Variants in IGFL4 observed in about 807,000 individuals in gnomAD.
The protein encoded by IGFL4 is insulin growth factor-like family member 4.
A neutral mutation model predicts 15.4 loss-of-function variants in IGFL4; 12 were observed. The ratio of observed to expected loss-of-function variants is 0.78; its 90% CI spans 0.50 to 1.26. IGFL4 has a LOEUF of 1.26. Among genes scored for constraint, IGFL4 ranks in the 50% most tolerant of loss-of-function variants. IGFL4 has a pLI of 0.00. For missense variants in IGFL4, 126 were observed against 147.8 expected (o/e 0.85, Z 0.76); for synonymous variants, 54 against 55.9 (o/e 0.97, Z 0.16).
intron 1 of IGFL4, among the ~76,000 whole-genome samples, chr19:46,061,021 T>A (rs1479652781): frequency 1.3e-5 from 2 of 152,236 alleles, no homozygotes; most frequent in Non-Finnish European, 2.9e-5. Flanking sequence ...TTTGTACTTT[T>A]ATTCCAATGT....
intron 1 of IGFL4, among the ~76,000 whole-genome samples, chr19:46,065,603 G>A (rs1051355932): frequency 2.0e-5 from 3 of 152,218 alleles, no homozygotes; most frequent in Non-Finnish European, 4.4e-5. Flanking sequence ...CACCGCGCCT[G>A]GCTGGCATTT....
Position 46,040,988 on chromosome 19 carries a change from AG to A in IGFL4, c.-27del. On this transcript the variant is annotated 5_prime_UTR_variant, in exon 1 of 4. Coordinates refer to ENST00000377697, the MANE Select transcript of IGFL4 (RefSeq NM_001002923.3). The surrounding 1 kb of genome is among the most constrained non-coding windows in gnomAD (Gnocchi z 4.1). ...GGGTTAGGCTTCAGAGCAGCGGACGAGGGAGCAGCAGTGGAAATGGGTCAGT... is the reference window on the plus strand; with the variant it reads ...GGGTTAGGCTTCAGAGCAGCGGACGAGGAGCAGCAGTGGAAATGGGTCAGT... The A allele has an allele frequency of 6.4e-7, 1 of 1,570,470 alleles. No individual in the cohort carries two copies. Among genetic ancestry groups the A allele is most frequent in the Non-Finnish European group, 8.6e-7 (1 of 1,162,130 alleles).
chr19:46,063,949 G>A (rs1017261430), intron 1 of IGFL4, among the ~76,000 whole-genome samples: 1 of 152,050 alleles, frequency 6.6e-6, no homozygotes, highest in African/African-American at 2.4e-5. Flanking sequence ...GCACGTGCCT[G>A]TAATCCCAGC....
At chr19:46,044,235 C>T (rs1969275873), upstream of IGFL4, among the ~76,000 whole-genome samples, 1 of 152,326 alleles carries the variant, frequency 6.6e-6, no homozygotes, top group South Asian at 2.1e-4. Flanking sequence ...GTCCAATACA[C>T]AGAGCTGTGT....
At chr19:46,061,900 T>G (rs1221146464) in intron 1 of IGFL4, among the ~76,000 whole-genome samples, 1 of 152,234 alleles carries the variant, frequency 6.6e-6, no homozygotes, top group Non-Finnish European at 1.5e-5. Flanking sequence ...ATCTAGTTAT[T>G]ACACACCAGA....
At position 46,040,249 on chromosome 19, in the gene IGFL4, A is replaced by G; in HGVS notation, c.238T>C (p.Leu80=). 1.2e-6 allele frequency: 2 copies of G among 1,614,182 alleles called. No individual in the cohort carries two copies. The highest frequency in any genetic ancestry group is 1.7e-6 in the Non-Finnish European group (2 of 1,180,026). ...ACAACTGTCTGGTTCTGAGAGCCCA[A>G]AGACTCCAGGCAGCAGTGCTGGAAG... ...PCFQHCCLES[L]GSQNQTVVRF... The change falls in exon 3 of 4, where the codon TTG becomes CTG. Residue 80 remains leucine, a synonymous_variant. Transcript: ENST00000377697. This position sits in a 1 kb window ranked among gnomAD's most constrained non-coding sequence, Gnocchi z 4.1.
At chr19:46,048,130 A>C (rs777596393) in intron 2 of IGFL4, among the ~76,000 whole-genome samples, 4 of 152,240 alleles carry the variant, frequency 2.6e-5, no homozygotes, top group Non-Finnish European at 5.9e-5. Context: ...AAAGCAACAA[A>C]TGTGATTCAT....
intron 1 of IGFL4, among the ~76,000 whole-genome samples, chr19:46,065,709 T>C (rs1969488350): frequency 6.6e-6 from 1 of 152,270 alleles, no homozygotes; most frequent in Admixed American, 6.5e-5. Context: ...AATCCGGGCC[T>C]TAGCCCCAGG....
At chr19:46,047,451 A>G (rs1568711342) in intron 2 of IGFL4, among the ~76,000 whole-genome samples, 1 of 152,182 alleles carries the variant, frequency 6.6e-6, no homozygotes, top group Non-Finnish European at 1.5e-5. Flanking sequence ...TAGAAACACA[A>G]AAAGCCCTTC....
chr19:46,054,054 C>T (rs1439580779), intron 2 of IGFL4, among the ~76,000 whole-genome samples: 4 of 152,086 alleles, frequency 2.6e-5, no homozygotes, highest in Admixed American at 6.5e-5. Context: ...AAATATTCTT[C>T]CATTCTATAA....
At chr19:46,041,574 A>G (rs1325019820), upstream of IGFL4, among the ~76,000 whole-genome samples, 1 of 151,830 alleles carries the variant, frequency 6.6e-6, no homozygotes, top group Non-Finnish European at 1.5e-5. Context: ...GGGATTCCAG[A>G]TAGGAAAGCA....
intron 2 of IGFL4, among the ~76,000 whole-genome samples, chr19:46,052,966 G>GAAAA (rs71175255): frequency 8.9e-6 from 1 of 112,460 alleles, no homozygotes; most frequent in Non-Finnish European, 1.8e-5. Flanking sequence ...AGTCAGAAAA[G>GAAAA]AAAAAAAAAA....
chr19:46,040,614 C>T lies in IGFL4; in HGVS notation c.20-46G>A. The T allele has an allele frequency of 1.3e-6, 2 of 1,597,226 alleles. No individual in the cohort carries two copies. The highest frequency in any genetic ancestry group is 1.7e-6 in the Non-Finnish European group (2 of 1,165,132). ...GAGAATGATTCTGAGGTCACTAGGT[C>T]TTGACCACGGGGCACAGGATGATGT... On this transcript the variant is annotated intron_variant, in intron 1 of 3. Transcript: ENST00000377697. The surrounding 1 kb of genome is among the most constrained non-coding windows in gnomAD (Gnocchi z 4.1).
At chr19:46,068,276 G>A (rs940464368) in intron 1 of IGFL4, among the ~76,000 whole-genome samples, 7 of 152,204 alleles carry the variant, frequency 4.6e-5, no homozygotes, top group Admixed American at 4.6e-4. Context: ...AGACAGAGCT[G>A]ATGTTTCCTT....
chr19:46,050,800 A>G (rs1969338859), intron 2 of IGFL4, among the ~76,000 whole-genome samples: 1 of 152,218 alleles, frequency 6.6e-6, no homozygotes, highest in African/African-American at 2.4e-5. Flanking sequence ...TAGACGTTCA[A>G]ATACAAGAAG....
chr19:46,066,270 G>A (rs537350632), intron 1 of IGFL4, among the ~76,000 whole-genome samples: 1 of 152,310 alleles, frequency 6.6e-6, no homozygotes, highest in African/African-American at 2.4e-5. Flanking sequence ...TTTAGTGTAA[G>A]TATGTCCCAA....
chr19:46,051,705 G>A (rs1969346734), intron 2 of IGFL4, among the ~76,000 whole-genome samples: 1 of 152,074 alleles, frequency 6.6e-6, no homozygotes, highest in Non-Finnish European at 1.5e-5. Flanking sequence ...ATGCATAAGA[G>A]CTCACCAACC....
chr19:46,068,225 A>C (rs1471664825), intron 1 of IGFL4, among the ~76,000 whole-genome samples: 1 of 152,176 alleles, frequency 6.6e-6, no homozygotes, highest in East Asian at 1.9e-4. Context: ...AATCTTAAAC[A>C]ATCTCTTTAT....
intron 2 of IGFL4, among the ~76,000 whole-genome samples, chr19:46,051,149 C>T (rs984793589): frequency 1.3e-5 from 2 of 152,184 alleles, no homozygotes; most frequent in Non-Finnish European, 2.9e-5. Flanking sequence ...CAAGCCAGCA[C>T]TACAAGAACT....
Sources: allele counts gnomAD v4.1 joint callset (sites outside exome capture counted in the v4.1 genomes callset), GRCh38; gene constraint gnomAD v4.1.1; non-coding constraint Gnocchi (gnomAD v3.1); transcripts MANE v1.5; gene names NCBI Gene and HGNC (gene_info 2026-07-23, HGNC 2026-07-21).